Variants in FHIT observed in about 807,000 individuals in gnomAD.
FHIT encodes the protein bis(5'-adenosyl)-triphosphatase.
A neutral mutation model predicts 17.9 loss-of-function variants in FHIT; 19 were observed. That is an observed-to-expected ratio of 1.06 (90% CI 0.74 to 1.56). The LOEUF is 1.56. Among genes scored for constraint, FHIT ranks in the 40% most tolerant of loss-of-function variants. FHIT has a pLI of 0.00. For synonymous variants in FHIT, 81 were observed against 69.7 expected, an observed-to-expected ratio of 1.16 and a Z score of -0.81; for missense variants, 248 against 189.2, an observed-to-expected ratio of 1.31 and a Z score of -1.82.
chr3:60,878,153 C>T (rs1182643412), intron 3 of FHIT, among the ~76,000 whole-genome samples: 1 of 152,116 alleles, frequency 6.6e-6, no homozygotes, highest in Non-Finnish European at 1.5e-5. Flanking sequence ...ACAGCTACAA[C>T]CTGACCCACT....
intron 5 of FHIT, among the ~76,000 whole-genome samples, chr3:60,308,496 G>GTATATATATATATATATATATA (rs5849349): frequency 9.9e-5 from 14 of 140,942 alleles, no homozygotes; most frequent in African/African-American, 2.4e-4. Flanking sequence ...AGGTGTATGT[G>GTATATATATATATATATATATA]TATATATATA....
intron 5 of FHIT, among the ~76,000 whole-genome samples, chr3:60,457,259 C>A (rs1172944718): frequency 6.6e-6 from 1 of 151,918 alleles, no homozygotes; most frequent in East Asian, 1.9e-4. Context: ...CAGAACAGAG[C>A]CCTCAGAAAT....
intron 2 of FHIT, among the ~76,000 whole-genome samples, chr3:61,078,303 G>A (rs1315121792): frequency 6.6e-6 from 1 of 151,990 alleles, no homozygotes; most frequent in Non-Finnish European, 1.5e-5. Context: ...TTCACCCATC[G>A]CTCTAACAAG....
chr3:60,247,137 T>C (rs767081109), intron 5 of FHIT, among the ~76,000 whole-genome samples: 3 of 152,066 alleles, frequency 2.0e-5, no homozygotes, highest in Non-Finnish European at 4.4e-5. Flanking sequence ...TTGATAAGTA[T>C]ATGTGGAAGG....
intron 2 of FHIT, among the ~76,000 whole-genome samples, chr3:61,052,425 C>T (rs1026011314): frequency 5.9e-5 from 9 of 152,142 alleles, no homozygotes; most frequent in African/African-American, 2.2e-4. Flanking sequence ...TATGAAAAAT[C>T]GGTGCTTGCG....
At chr3:60,828,417 T>C (rs1467687554) in intron 3 of FHIT, among the ~76,000 whole-genome samples, 1 of 152,174 alleles carries the variant, frequency 6.6e-6, no homozygotes, top group South Asian at 2.1e-4. Context: ...TTAATTACTT[T>C]TGTTCATTTA....
chr3:60,748,167 G>A (rs1285568256), intron 4 of FHIT, among the ~76,000 whole-genome samples: 1 of 152,080 alleles, frequency 6.6e-6, no homozygotes, highest in Non-Finnish European at 1.5e-5. Context: ...TTAGAGAGTG[G>A]GAGATAGGAT....
chr3:60,374,590 A>T (rs1700467304), intron 5 of FHIT, among the ~76,000 whole-genome samples: 2 of 150,328 alleles, frequency 1.3e-5, no homozygotes, highest in Admixed American at 1.3e-4. Context: ...AGAAGCACAC[A>T]CACATACTAG....
chr3:59,845,024 G>T (rs911407179), intron 8 of FHIT, among the ~76,000 whole-genome samples: 4 of 152,022 alleles, frequency 2.6e-5, no homozygotes, highest in Non-Finnish European at 5.9e-5. Flanking sequence ...TAGGTTTTGT[G>T]TTTCTAGGAA....
chr3:59,977,473 T>C (rs917531180), intron 7 of FHIT, among the ~76,000 whole-genome samples: 2 of 152,146 alleles, frequency 1.3e-5, no homozygotes, highest in South Asian at 2.1e-4. Context: ...GAATCCACCA[T>C]TGGCCACAAT....
intron 2 of FHIT, among the ~76,000 whole-genome samples, chr3:61,161,536 C>T (rs2037695180): frequency 6.6e-6 from 1 of 152,160 alleles, no homozygotes. Context: ...GTTTTAATAT[C>T]TTGTACTACA....
chr3:60,214,716 T>C (rs1231743631), intron 5 of FHIT, among the ~76,000 whole-genome samples: 1 of 152,184 alleles, frequency 6.6e-6, no homozygotes, highest in Non-Finnish European at 1.5e-5. Context: ...TGTACACTCC[T>C]ATGTTCATTG....
At chr3:60,267,322 A>G (rs1031078305) in intron 5 of FHIT, among the ~76,000 whole-genome samples, 1 of 151,948 alleles carries the variant, frequency 6.6e-6, no homozygotes, top group Non-Finnish European at 1.5e-5. Context: ...ACATATACAC[A>G]CACACACAAT....
chr3:60,099,289 G>A (rs1393427641), intron 5 of FHIT, among the ~76,000 whole-genome samples: 1 of 152,148 alleles, frequency 6.6e-6, no homozygotes, highest in Non-Finnish European at 1.5e-5. Context: ...ATTCACAAAT[G>A]GAATGGGATG....
At chr3:60,467,119 T>C (rs1163408417) in intron 5 of FHIT, among the ~76,000 whole-genome samples, 1 of 152,036 alleles carries the variant, frequency 6.6e-6, no homozygotes, top group African/African-American at 2.4e-5. Flanking sequence ...TAGAAACATA[T>C]CCATTTCTTC....
At chr3:60,138,763 C>T (rs939281955) in intron 5 of FHIT, among the ~76,000 whole-genome samples, 2 of 152,106 alleles carry the variant, frequency 1.3e-5, no homozygotes, top group Non-Finnish European at 2.9e-5. Context: ...TCTAGAAAGA[C>T]ATCCAGGATG....
chr3:61,068,945 C>T (rs757026951), intron 2 of FHIT, among the ~76,000 whole-genome samples: 6 of 152,102 alleles, frequency 3.9e-5, no homozygotes, highest in Admixed American at 1.3e-4. Context: ...CACTCCCTGA[C>T]TAGATTAATC....
Position 59,934,381 on chromosome 3 carries a change from C to A in FHIT, c.280-11967G>T, listed in dbSNP as rs144316863. Among the ~76,000 whole-genome samples the A allele has an allele frequency of 3.4e-4, 52 of 152,198 alleles. No individual in the cohort carries two copies. In the East Asian group the frequency reaches 9.5e-3, roughly 28 times the overall value. On this transcript the variant is annotated intron_variant, in intron 7 of 9. Transcript: ENST00000492590. ...TTCTAAGCCCACTGCCCCTGCACCC[C>A]CTGCTATTCAACCTTATGACAGTAA...
chr3:60,887,215 A>G (rs1435707280), intron 3 of FHIT, among the ~76,000 whole-genome samples: 1 of 152,144 alleles, frequency 6.6e-6, no homozygotes, highest in African/African-American at 2.4e-5. Context: ...GTCGTCTAGA[A>G]TGACTTCTTC....
Sources: allele counts gnomAD v4.1 joint callset (sites outside exome capture counted in the v4.1 genomes callset), GRCh38; gene constraint gnomAD v4.1.1; transcripts MANE v1.5; gene names NCBI Gene and HGNC (gene_info 2026-07-23, HGNC 2026-07-21).